AOX1: variants seen among roughly 807,000 people sequenced by gnomAD.
The protein encoded by AOX1 is aldehyde oxidase.
A neutral mutation model predicts 169.5 loss-of-function variants in AOX1; 153 were observed. That is an observed-to-expected ratio of 0.90 (90% CI 0.79 to 1.03). The LOEUF (loss-of-function observed/expected upper bound fraction) is 1.03. Ranked by LOEUF, AOX1 falls within the 50% of genes least tolerant of loss-of-function variation. AOX1 has a pLI of 0.00. For missense variants in AOX1, 1,656 were observed against 1,663.9 expected, an observed-to-expected ratio of 1.00 and a Z score of 0.08; for synonymous variants, 562 against 581.9, an observed-to-expected ratio of 0.97 and a Z score of 0.49.
chr2:200,588,588 C>T (rs1412619986), intron 1 of AOX1, among the ~76,000 whole-genome samples: 1 of 151,988 alleles, frequency 6.6e-6, no homozygotes, highest in Admixed American at 6.6e-5. Flanking sequence ...GATATTGATT[C>T]TGTTTTTGCA....
intron 20 of AOX1, among the ~76,000 whole-genome samples, chr2:200,631,436 C>T (rs1439948834): frequency 6.6e-6 from 1 of 152,146 alleles, no homozygotes; most frequent in Admixed American, 6.5e-5. Flanking sequence ...GATGATTTTC[C>T]CCACAACCTA....
rs16833843 is a variant in AOX1, at chr2:200,601,118, G to T, written c.437-1166G>T. 9.2e-3 allele frequency among the ~76,000 whole-genome samples: 1,330 copies of T among 145,140 alleles called. 23 individuals carry two copies. Among genetic ancestry groups the T allele is most frequent in the African/African-American group, 0.028 (1,104 of 39,626 alleles). ...TCACAGTAAGTGTTAAGAATGAGGGGTTTTTTCCTTAGAAAAAGAAGTATA... is the reference window on the plus strand; with the variant it reads ...TCACAGTAAGTGTTAAGAATGAGGGTTTTTTTCCTTAGAAAAAGAAGTATA... On this transcript the variant is annotated intron_variant, in intron 5 of 34. Coordinates refer to ENST00000374700, the MANE Select transcript of AOX1 (RefSeq NM_001159.4).
chr2:200,625,975 C>A (rs1008182921), intron 19 of AOX1, among the ~76,000 whole-genome samples: 5 of 151,966 alleles, frequency 3.3e-5, no homozygotes, highest in Admixed American at 3.3e-4. Flanking sequence ...AGGCTGATGA[C>A]CATAATGGAA....
chr2:200,597,630 C>G, intron 4 of AOX1, 125 bp downstream of exon 4: 1 of 505,308 alleles, frequency 2.0e-6, no homozygotes, highest in Non-Finnish European at 3.4e-6. Flanking sequence ...CAGATACAAC[C>G]TAGCTGGGAA....
intron 20 of AOX1, among the ~76,000 whole-genome samples, chr2:200,627,657 C>A (rs2035035438): frequency 6.6e-6 from 1 of 152,126 alleles, no homozygotes; most frequent in Non-Finnish European, 1.5e-5. Context: ...GGAGGCAAGA[C>A]CCTGCCCCTC....
chr2:200,612,876 G>T (rs1436911710), intron 14 of AOX1, 83 bp downstream of exon 14: 1 of 1,125,846 alleles, frequency 8.9e-7, no homozygotes, highest in African/African-American at 1.6e-5. Flanking sequence ...GGTGAGATGT[G>T]ATTACAAGAA....
rs150853185 is a variant in AOX1 at position 200,594,951 on chromosome 2, C to T, written c.104-321C>T. 6.0e-4 allele frequency among the ~76,000 whole-genome samples: 91 copies of T among 152,292 alleles called. 1 individual carries two copies. The highest frequency in any genetic ancestry group is 2.1e-3 in the African/African-American group (86 of 41,572). On this transcript the variant is annotated intron_variant, in intron 2 of 34. Transcript: ENST00000374700. ...AGAGATAAGGATGAGAATAAATGTG[C>T]AATGTGTTCATACCTTCAAATACTC...
chr2:200,673,179 C>T (rs1412692841), downstream of AOX1, among the ~76,000 whole-genome samples: 2 of 152,148 alleles, frequency 1.3e-5, no homozygotes, highest in African/African-American at 4.8e-5. Flanking sequence ...TTGGAATTCT[C>T]GAGACAGCCA....
At position 200,670,991 on chromosome 2, in the gene AOX1, A is replaced by C. The variant is rs927209136; in HGVS notation, c.*312A>C. On this transcript the variant is annotated 3_prime_UTR_variant, in exon 35 of 35. Transcript: ENST00000374700. ...AGGTGATGACTTGCATGTGACTCCT[A>C]CTTGGCTTCTATCCACCAACAGAAA... The C allele has an allele frequency of 2.4e-5, 7 of 296,846 alleles. No individual in the cohort carries two copies. Among genetic ancestry groups the C allele is most frequent in the Non-Finnish European group, 3.7e-5 (6 of 160,942 alleles). 18.4% of individuals were successfully genotyped at this position (296,846 alleles called of 1,614,324 possible). A position where few individuals can be genotyped will look rare whatever the true frequency, so the allele number is the denominator to read the frequency against.
In AOX1 at chr2:200,670,986, C is replaced by T. The variant is rs1383869274; in HGVS notation, c.*307C>T. The T allele has an allele frequency of 1.1e-4, 33 of 302,932 alleles. No individual in the cohort carries two copies. The Admixed American group carries it at 1.5e-3, about 14-fold the overall frequency. 18.8% of individuals were successfully genotyped at this position (302,932 alleles called of 1,614,324 possible). On this transcript the variant is annotated 3_prime_UTR_variant, in exon 35 of 35. Coordinates refer to ENST00000374700, the MANE Select transcript of AOX1 (RefSeq NM_001159.4). ...GGAATAGGTGATGACTTGCATGTGA[C>T]TCCTACTTGGCTTCTATCCACCAAC...
intron 1 of AOX1, among the ~76,000 whole-genome samples, chr2:200,592,518 G>C (rs1377771278): frequency 1.4e-5 from 2 of 145,714 alleles, no homozygotes; most frequent in Non-Finnish European, 3.0e-5. Flanking sequence ...TGTCATCCTT[G>C]AGAAAAAACA....
chr2:200,630,548 G>GAGGAAGGAAGGAAGGAAGGAAGGAAGGA (rs67400406), intron 20 of AOX1, among the ~76,000 whole-genome samples: 5 of 120,556 alleles, frequency 4.1e-5, no homozygotes, highest in Non-Finnish European at 3.5e-5. Context: ...GGAAGGAAGG[G>GAGGAAGGAAGGAAGGAAGGAAGGAAGGA]AGGAAGGAAG....
chr2:200,602,207 C>T (rs997672049), intron 5 of AOX1, 77 bp from the exon 6 acceptor site: 8 of 1,210,862 alleles, frequency 6.6e-6, no homozygotes, highest in Non-Finnish European at 9.7e-6. Flanking sequence ...ATAGGGTCCT[C>T]ATTTCCATCA....
At chr2:200,663,871 T>C (rs1419187089) in intron 31 of AOX1, among the ~76,000 whole-genome samples, 1 of 152,228 alleles carries the variant, frequency 6.6e-6, no homozygotes, top group African/African-American at 2.4e-5. Context: ...TGATCAGATT[T>C]AAATTTTCAT....
At chr2:200,666,642 G>A (rs1454123750) in intron 31 of AOX1, 45 bp from the exon 32 acceptor site, 1 of 1,455,090 alleles carries the variant, frequency 6.9e-7, no homozygotes, top group African/African-American at 1.4e-5. Context: ...TTCTCCCTAA[G>A]TTATTCTCAT....
At chr2:200,669,528 A>T in intron 33 of AOX1, 47 bp from the exon 34 acceptor site, 1 of 1,594,714 alleles carries the variant, frequency 6.3e-7, no homozygotes, top group Non-Finnish European at 8.6e-7. Context: ...ACATATATAC[A>T]GAGTGAGAGA....
downstream of AOX1, among the ~76,000 whole-genome samples, chr2:200,677,291 TGTAAA>T (rs1559267168): frequency 3.3e-5 from 5 of 152,038 alleles, no homozygotes; most frequent in African/African-American, 1.2e-4. Context: ...CTGTAATGCA[TGTAAA>T]GGTGTCAGGA....
intron 16 of AOX1, among the ~76,000 whole-genome samples, chr2:200,619,458 G>A (rs9808414): frequency 6.6e-6 from 1 of 152,152 alleles, no homozygotes; most frequent in Admixed American, 6.5e-5. Flanking sequence ...GTTACAGATG[G>A]GGGTACCCAC....
intron 20 of AOX1, among the ~76,000 whole-genome samples, chr2:200,630,556 A>AAGGG (rs1358796997): frequency 2.1e-5 from 1 of 46,710 alleles, no homozygotes; most frequent in African/African-American, 7.7e-5. Context: ...GGGAGGAAGG[A>AAGGG]AGGAAGGAAG....
Sources: allele counts gnomAD v4.1 joint callset (sites outside exome capture counted in the v4.1 genomes callset), GRCh38; gene constraint gnomAD v4.1.1; transcripts MANE v1.5; gene names NCBI Gene and HGNC (gene_info 2026-07-23, HGNC 2026-07-21).